Variants in LRCH1 observed in about 807,000 individuals in gnomAD.
LRCH1 encodes leucine rich repeats and calponin homology domain containing 1, also known as leucine-rich repeat and calponin homology domain-containing protein 1.
In LRCH1, 23 loss-of-function variants were observed where a neutral mutation model predicts 94.9. The ratio of observed to expected loss-of-function variants is 0.24; its 90% CI spans 0.17 to 0.34. The LOEUF (loss-of-function observed/expected upper bound fraction) is 0.34. LRCH1 is among the 10% of genes least tolerant of loss of function. LRCH1 has a pLI of 1.00. For synonymous variants in LRCH1, 364 were observed against 354.9 expected (o/e 1.03, Z -0.29); for missense variants, 790 against 945.9 (o/e 0.84, Z 2.16).
rs150877311 is a variant in LRCH1, at chr13:46,599,723, G to C, written c.307+46020G>C. On this transcript the variant is annotated intron_variant, in intron 1 of 19. Coordinates refer to ENST00000389797, the MANE Select transcript of LRCH1 (RefSeq NM_001164211.2). The stretch of plus-strand genomic sequence containing the variant: ...ATGTTTCTAGCCCCTCAATTATGTA[G>C]GTAGAAACAAATAATATAGAATCAA... 5.9e-5 allele frequency among the ~76,000 whole-genome samples: 9 copies of C among 152,200 alleles called. 2 individuals carry two copies. The highest frequency in any genetic ancestry group is 2.2e-4 in the African/African-American group (9 of 41,524).
Position 46,743,586 on chromosome 13 carries a change from T to G in LRCH1, c.*1738T>G. 7.1e-6 allele frequency: 7 copies of G among 985,790 alleles called. No homozygotes were observed. The highest frequency in any genetic ancestry group is 8.4e-6 in the Non-Finnish European group (7 of 829,916). 61.1% of individuals were successfully genotyped at this position (985,790 alleles called of 1,614,324 possible). A position where few individuals can be genotyped will look rare whatever the true frequency, so the allele number is the denominator to read the frequency against. Reference sequence around the variant, plus strand: ...CCATAAATTGCTTAATAAACACATTTTGGGTGATTATTCCAAGTTTTTATC... The same window carrying G: ...CCATAAATTGCTTAATAAACACATTGTGGGTGATTATTCCAAGTTTTTATC... On this transcript the variant is annotated 3_prime_UTR_variant, in exon 20 of 20. Transcript: ENST00000389797.
chr13:46,688,630 T>G (rs1870741289), intron 6 of LRCH1, among the ~76,000 whole-genome samples: 2 of 152,220 alleles, frequency 1.3e-5, no homozygotes, highest in South Asian at 4.1e-4. Context: ...TTTTGCTACA[T>G]AAGTAAATTT....
intron 1 of LRCH1, among the ~76,000 whole-genome samples, chr13:46,609,967 A>G (rs1233385701): frequency 3.3e-5 from 5 of 152,030 alleles, no homozygotes; most frequent in Admixed American, 3.3e-4. Flanking sequence ...AAAAAGATTG[A>G]CCTTTGTGAG....
At chr13:46,639,528 A>T (rs1317131470) in intron 1 of LRCH1, among the ~76,000 whole-genome samples, 2 of 152,308 alleles carry the variant, frequency 1.3e-5, no homozygotes, top group East Asian at 3.9e-4. Context: ...ACTTCAAATA[A>T]TCATGTGATT....
Position 46,615,450 on chromosome 13 carries a change from G to A in LRCH1, c.308-34751G>A, listed in dbSNP as rs552783779. 7.2e-5 allele frequency among the ~76,000 whole-genome samples: 11 copies of A among 152,224 alleles called. 1 individual carries two copies. Among genetic ancestry groups the A allele is most frequent in the Admixed American group, 6.5e-4 (10 of 15,288 alleles). On this transcript the variant is annotated intron_variant, in intron 1 of 19. Coordinates refer to ENST00000389797, the MANE Select transcript of LRCH1 (RefSeq NM_001164211.2). ...AGTGATCCGTCCCTGTGACCCAAAC[G>A]CCTCCCACTAGGCCTCACCTCCAAC...
At chr13:46,711,905 T>G (rs910656435) in intron 14 of LRCH1, 61 bp downstream of exon 14, 21 of 1,245,326 alleles carry the variant, frequency 1.7e-5, no homozygotes, top group Non-Finnish European at 2.5e-5. Flanking sequence ...TTGGAATATC[T>G]TTTACAGAAA....
chr13:46,607,319 C>G (rs900700578), intron 1 of LRCH1, among the ~76,000 whole-genome samples: 7 of 152,198 alleles, frequency 4.6e-5, no homozygotes, highest in African/African-American at 1.4e-4. Flanking sequence ...AAACCACTTA[C>G]ACAAACCTGT....
intron 10 of LRCH1, 50 bp downstream of exon 10, chr13:46,699,453 G>A (rs1051006143): frequency 1.3e-6 from 2 of 1,524,990 alleles, no homozygotes; most frequent in Non-Finnish European, 1.8e-6. Context: ...AATCCACTTT[G>A]CAAGCAGTCT....
chr13:46,563,081 G>C (rs1170685894), intron 1 of LRCH1, among the ~76,000 whole-genome samples: 2 of 152,158 alleles, frequency 1.3e-5, no homozygotes, highest in Non-Finnish European at 2.9e-5. Context: ...AATCAAATGA[G>C]TTATAGTGAA....
At chr13:46,691,325 C>G (rs1410843887) in intron 7 of LRCH1, among the ~76,000 whole-genome samples, 1 of 152,160 alleles carries the variant, frequency 6.6e-6, no homozygotes, top group Non-Finnish European at 1.5e-5. Flanking sequence ...AGAACTAATC[C>G]AATTATTAAA....
chr13:46,554,450 A>G (rs1483790619), intron 1 of LRCH1, among the ~76,000 whole-genome samples: 1 of 152,134 alleles, frequency 6.6e-6, no homozygotes, highest in Non-Finnish European at 1.5e-5. Context: ...CACCGAGGCT[A>G]CCTGGTTCTC....
chr13:46,568,145 C>T (rs2038728), intron 1 of LRCH1, among the ~76,000 whole-genome samples: 53,580 of 152,068 alleles, frequency 0.35, 11,669 homozygotes, highest in East Asian at 0.48. Flanking sequence ...CCATGCAACA[C>T]TCTTTTCTTT....
intron 9 of LRCH1, among the ~76,000 whole-genome samples, chr13:46,696,195 T>TACACACACACACACAC (rs10553999): frequency 6.8e-6 from 1 of 147,094 alleles, no homozygotes; most frequent in Non-Finnish European, 1.5e-5. Context: ...TGCATGTGTG[T>TACACACACACACACAC]ACACACACAC....
At chr13:46,591,083 T>C (rs1277729144) in intron 1 of LRCH1, among the ~76,000 whole-genome samples, 1 of 152,166 alleles carries the variant, frequency 6.6e-6, no homozygotes, top group Non-Finnish European at 1.5e-5. Context: ...AGTCCCTTCC[T>C]GCCTGGACAT....
intron 1 of LRCH1, among the ~76,000 whole-genome samples, chr13:46,576,622 G>T (rs1171381869): frequency 6.6e-6 from 1 of 152,136 alleles, no homozygotes; most frequent in Non-Finnish European, 1.5e-5. Context: ...TCCTTTCAAT[G>T]TTCTCAACCT....
At chr13:46,565,646 A>G (rs2050174389) in intron 1 of LRCH1, among the ~76,000 whole-genome samples, 1 of 151,748 alleles carries the variant, frequency 6.6e-6, no homozygotes. Flanking sequence ...ACCCGTCTCT[A>G]CTAAAAATAC....
chr13:46,571,114 A>C (rs2050236362), intron 1 of LRCH1, among the ~76,000 whole-genome samples: 1 of 152,230 alleles, frequency 6.6e-6, no homozygotes, highest in Non-Finnish European at 1.5e-5. Context: ...ACTCATACCT[A>C]CAAAAAAGGA....
rs989203214 is a variant in LRCH1 at position 46,715,614 on chromosome 13, C to T, written c.1709C>T (p.Thr570Ile). Reference protein sequence around the residue: ...ISFNTLTQAQTWDSSSYSVPS... With the variant: ...ISFNTLTQAQIWDSSSYSVPS... Reference sequence around the variant, plus strand: ...TTCAACACACTTACACAGGCACAGACATGGGACAGCTCTAGCTACAGTGTT... The same window carrying T: ...TTCAACACACTTACACAGGCACAGATATGGGACAGCTCTAGCTACAGTGTT... Residue 570 changes from threonine to isoleucine, a missense_variant, in exon 16 of 20, where the codon ACA becomes ATA. Around this residue, in one of 3 missense-constraint regions of LRCH1, gnomAD observed 460 missense variants for 508.9 expected, o/e 0.90. Transcript: ENST00000389797. 6 of 1,537,238 alleles carry T rather than the reference C, an allele frequency of 3.9e-6. No individual in the cohort carries two copies. Among genetic ancestry groups the T allele is most frequent in the Non-Finnish European group, 5.2e-6 (6 of 1,146,832 alleles).
At chr13:46,740,965 G>C (rs1873622127) in intron 19 of LRCH1, among the ~76,000 whole-genome samples, 1 of 152,156 alleles carries the variant, frequency 6.6e-6, no homozygotes, top group Non-Finnish European at 1.5e-5. Flanking sequence ...GTAACTCCAT[G>C]TGGGGGTGTA....
Sources: allele counts gnomAD v4.1 joint callset (sites outside exome capture counted in the v4.1 genomes callset), GRCh38; gene constraint gnomAD v4.1.1; regional missense constraint gnomAD v4.1.1; transcripts MANE v1.5; gene names NCBI Gene and HGNC (gene_info 2026-07-23, HGNC 2026-07-21).